VWA8: variants seen among roughly 807,000 people sequenced by gnomAD.
VWA8 encodes von Willebrand factor A domain containing 8, also known as von Willebrand factor A domain-containing protein 8.
VWA8 carries 221 observed loss-of-function variants against 241.5 expected under a neutral mutation model. The observed-to-expected ratio is 0.91, with a 90% CI of 0.82 to 1.02. VWA8 has a LOEUF of 1.02. Ranked by LOEUF, VWA8 falls within the 50% of genes least tolerant of loss-of-function variation. The pLI is 0.00. For synonymous variants in VWA8, 852 were observed against 827.1 expected (o/e 1.03, Z -0.52); for missense variants, 2,322 against 2,328.7 (o/e 1.00, Z 0.06).
intron 42 of VWA8, among the ~76,000 whole-genome samples, chr13:41,581,850 G>A (rs2044385137): frequency 2.0e-5 from 3 of 152,172 alleles, no homozygotes; most frequent in South Asian, 4.1e-4. Context: ...TGAAAAGGAG[G>A]TGTATTTCAA....
At chr13:41,877,351 T>C (rs1873945742) in intron 9 of VWA8, among the ~76,000 whole-genome samples, 1 of 151,972 alleles carries the variant, frequency 6.6e-6, no homozygotes, top group Non-Finnish European at 1.5e-5. Context: ...CTGGCCTACT[T>C]CAGGTCATTA....
intron 29 of VWA8, 57 bp from the exon 30 acceptor site, chr13:41,693,029 T>A (rs1173961557): frequency 1.1e-4 from 115 of 1,044,550 alleles, no homozygotes; most frequent in Non-Finnish European, 1.3e-4. Flanking sequence ...TTTTTTTTTT[T>A]AAAGCAGCAA....
At chr13:41,803,456 T>C (rs749821567) in intron 17 of VWA8, among the ~76,000 whole-genome samples, 4 of 152,296 alleles carry the variant, frequency 2.6e-5, no homozygotes, top group Non-Finnish European at 2.9e-5. Context: ...GGACTCACAG[T>C]TCCATGTGGG....
chr13:41,748,408 G>A (rs1441046793), intron 21 of VWA8, among the ~76,000 whole-genome samples: 2 of 152,124 alleles, frequency 1.3e-5, no homozygotes, highest in Non-Finnish European at 2.9e-5. Flanking sequence ...AGTATTCTCT[G>A]ATGGTAGTTT....
chr13:41,732,806 C>T (rs770799874), intron 21 of VWA8, among the ~76,000 whole-genome samples: 1 of 152,082 alleles, frequency 6.6e-6, no homozygotes, highest in Non-Finnish European at 1.5e-5. Flanking sequence ...GTTGGCTATC[C>T]TGATGTTAAG....
chr13:41,880,976 A>C (rs529899203), intron 9 of VWA8, among the ~76,000 whole-genome samples: 2 of 152,250 alleles, frequency 1.3e-5, no homozygotes, highest in East Asian at 3.9e-4. Context: ...TGGTTGCCAA[A>C]TGGTGTTTTT....
intron 37 of VWA8, among the ~76,000 whole-genome samples, chr13:41,645,627 T>C (rs758766939): frequency 2.0e-5 from 3 of 152,232 alleles, no homozygotes; most frequent in Non-Finnish European, 4.4e-5. Flanking sequence ...AGAGGTGGCA[T>C]GAGAGCGACT....
chr13:41,665,903 T>C (rs1402785949), intron 37 of VWA8, among the ~76,000 whole-genome samples: 2 of 152,162 alleles, frequency 1.3e-5, no homozygotes, highest in Non-Finnish European at 2.9e-5. Flanking sequence ...GAAAGTAAGA[T>C]AATATTTCTA....
rs771576341 is a variant in VWA8 at position 41,819,331 on chromosome 13, CAG to C, written c.1754_1755del (p.Pro585ArgfsTer30). 6.2e-7 allele frequency: 1 copy of C among 1,612,086 alleles called. No individual in the cohort carries two copies. The highest frequency in any genetic ancestry group is 1.7e-5 in the Admixed American group (1 of 59,548). On this transcript the variant is annotated frameshift_variant, in exon 15 of 45. Transcript: ENST00000379310. LOFTEE classifies it high-confidence loss of function. ...SFRIIALAEP[P>X]VIGSTAHQWL... The stretch of plus-strand genomic sequence containing the variant: ...CACTGGTGTGCTGTGCTTCCAATAA[CAG>C]GGGGTTCTGCCAAGGCAATGATTCT...
intron 9 of VWA8, among the ~76,000 whole-genome samples, chr13:41,881,828 C>T (rs1209766718): frequency 6.9e-6 from 1 of 145,624 alleles, no homozygotes; most frequent in South Asian, 2.2e-4. Context: ...CCTCACCTCC[C>T]GGACGGGGCG....
intron 37 of VWA8, among the ~76,000 whole-genome samples, chr13:41,641,705 G>T (rs1220276755): frequency 6.6e-6 from 1 of 152,042 alleles, no homozygotes; most frequent in African/African-American, 2.4e-5. Context: ...GACAACCAGA[G>T]GATCTTAGGT....
chr13:41,902,159 T>G (rs75602940), intron 4 of VWA8, among the ~76,000 whole-genome samples: 37 of 151,670 alleles, frequency 2.4e-4, no homozygotes, highest in African/African-American at 8.7e-4. Context: ...GTAGAAAAAA[T>G]AGGAATGTTA....
chr13:41,573,486 A>AAAATAAATAAATAAATAAAT, intron 43 of VWA8, among the ~76,000 whole-genome samples: 1 of 113,614 alleles, frequency 8.8e-6, no homozygotes, highest in African/African-American at 3.4e-5. Context: ...AAAAAAAAAA[A>AAAATAAATAAATAAATAAAT]ATATATATAT....
At chr13:41,841,888 A>G (rs1423868379) in intron 12 of VWA8, among the ~76,000 whole-genome samples, 2 of 126,374 alleles carry the variant, frequency 1.6e-5, no homozygotes, top group Non-Finnish European at 3.3e-5. Flanking sequence ...TATTTTTTCA[A>G]TTGGGGTAAA....
rs895755830 is a variant in VWA8 at position 41,886,920 on chromosome 13, A to T, written c.817-90T>A. ...TTTGTAGATACAATCCAACCTTTTA[A>T]TTAAGCAGACACTAAATATTTAACA... On this transcript the variant is annotated intron_variant, in intron 6 of 44. Transcript: ENST00000379310. The T allele has an allele frequency of 1.0e-5, 11 of 1,050,966 alleles. No individual in the cohort carries two copies. In the Admixed American group the frequency reaches 1.3e-4, roughly 13 times the overall value. 65.1% of individuals were successfully genotyped at this position (1,050,966 alleles called of 1,614,324 possible).
At chr13:41,738,358 CTCT>C (rs962266650) in intron 21 of VWA8, among the ~76,000 whole-genome samples, 3 of 152,082 alleles carry the variant, frequency 2.0e-5, no homozygotes, top group Non-Finnish European at 4.4e-5. Context: ...AAACACTTTG[CTCT>C]TCAGAGGTAG....
intron 37 of VWA8, among the ~76,000 whole-genome samples, chr13:41,641,826 G>A (rs1321419159): frequency 6.6e-6 from 1 of 151,734 alleles, no homozygotes; most frequent in Non-Finnish European, 1.5e-5. Flanking sequence ...GTATGTGGGA[G>A]AAGTGGAAAA....
At chr13:41,810,812 AT>A (rs1361664485) in intron 17 of VWA8, among the ~76,000 whole-genome samples, 2 of 152,266 alleles carry the variant, frequency 1.3e-5, no homozygotes, top group African/African-American at 4.8e-5. Flanking sequence ...GGTGATAGAT[AT>A]GGCATTCACC....
chr13:41,935,311 C>T (rs536191076), intron 2 of VWA8, among the ~76,000 whole-genome samples: 12 of 152,148 alleles, frequency 7.9e-5, no homozygotes, highest in African/African-American at 2.6e-4. Flanking sequence ...TATAGCTAGT[C>T]ATATTTATGA....
Sources: allele counts gnomAD v4.1 joint callset (sites outside exome capture counted in the v4.1 genomes callset), GRCh38; gene constraint gnomAD v4.1.1; transcripts MANE v1.5; gene names NCBI Gene and HGNC (gene_info 2026-07-23, HGNC 2026-07-21).